The following WIPI2 variants were observed in gnomAD, a reference collection of about 807,000 sequenced individuals.
WIPI2 encodes WD repeat domain phosphoinositide-interacting protein 2.
Under a neutral mutation model 52.3 loss-of-function variants are expected in WIPI2, and 28 were observed. That is an observed-to-expected ratio of 0.54 (90% CI 0.40 to 0.73). WIPI2 has a LOEUF of 0.73. Among genes scored for constraint, WIPI2 ranks in the 30% least tolerant of loss-of-function variants. The pLI is 0.00. For synonymous variants in WIPI2, 268 were observed against 245.0 expected (o/e 1.09, Z -0.88); for missense variants, 506 against 602.9 (o/e 0.84, Z 1.68).
chr7:5,196,138 G>A (rs1189775138), intron 2 of WIPI2, among the ~76,000 whole-genome samples: 17 of 151,900 alleles, frequency 1.1e-4, no homozygotes, highest in East Asian at 3.9e-4. Context: ...TCAAGAGTTC[G>A]AGACCAGACT....
intron 3 of WIPI2, chr7:5,214,203 C>G (rs1468295813): frequency 1.7e-6 from 2 of 1,196,888 alleles, no homozygotes; most frequent in Non-Finnish European, 2.2e-6. Context: ...TTAAGGGAGC[C>G]CCTAGACCTT....
chr7:5,190,719 G>C (rs1781437657), intron 1 of WIPI2: 1 of 392,494 alleles, frequency 2.5e-6, no homozygotes, highest in South Asian at 8.4e-5. Context: ...CGGGAGAGGT[G>C]GTGGAGAGGG....
rs574479972 is a variant in WIPI2 at position 5,209,596 on chromosome 7, G to A, written c.212-4939G>A. Among the ~76,000 whole-genome samples the A allele has an allele frequency of 1.3e-3, 196 of 152,274 alleles. 1 individual carries two copies. Among genetic ancestry groups the A allele is most frequent in the African/African-American group, 4.3e-3 (179 of 41,562 alleles). ...GGAATTTATCACCACCTCTAATGGC[G>A]ACTTGCTCTTTGAGATGATCGTCTC... On this transcript the variant is annotated intron_variant, in intron 3 of 12. Transcript: ENST00000288828.
chr7:5,201,654 G>C (rs991264975), intron 3 of WIPI2, among the ~76,000 whole-genome samples: 1 of 152,190 alleles, frequency 6.6e-6, no homozygotes, highest in African/African-American at 2.4e-5. Context: ...GCTGAGGCAC[G>C]AGAATCACTT....
chr7:5,227,970 C>T lies in WIPI2; in HGVS notation c.1014-134C>T. ...CGTGTGAGCCGAGGTCAGTGGGGCG[C>T]CAGACACCTGCAGCTGCCCTTGTGC... is the stretch of plus-strand genomic sequence containing the variant. On this transcript the variant is annotated intron_variant, in intron 10 of 12. Transcript: ENST00000288828. This position sits in a 1 kb window ranked among gnomAD's most constrained non-coding sequence, Gnocchi z 8.1. 1.2e-6 allele frequency: 1 copy of T among 823,358 alleles called. No individual in the cohort carries two copies. The highest frequency in any genetic ancestry group is 2.0e-6 in the Non-Finnish European group (1 of 496,066). The allele number at this position is 823,358 out of a possible 1,614,324, so 51.0% of individuals were successfully genotyped here.
intron 6 of WIPI2, 187 bp from the exon 7 acceptor site, chr7:5,217,735 C>T (rs745651762): frequency 1.9e-5 from 12 of 645,228 alleles, no homozygotes; most frequent in Non-Finnish European, 3.1e-5. Context: ...AATTGCTTTG[C>T]TTTTTCTAAA....
intron 3 of WIPI2, chr7:5,214,326 C>G: frequency 6.4e-7 from 1 of 1,569,748 alleles, no homozygotes. Context: ...AGGGGCCATC[C>G]TTAGAGTGGA....
intron 7 of WIPI2, among the ~76,000 whole-genome samples, chr7:5,222,333 G>T (rs1783182823): frequency 6.6e-6 from 1 of 152,228 alleles, no homozygotes; most frequent in African/African-American, 2.4e-5. Flanking sequence ...GACTGTTAGT[G>T]TTGAGAGTAA....
Position 5,193,111 on chromosome 7 carries a change from T to C in WIPI2, c.75-7T>C, listed in dbSNP as rs1245096736. ...TGTTTTTTGTTTTGTTTTGTTTTTT[T>C]ACCTAGAGAAGTGAAAGGGGCATCA... On this transcript the variant is annotated splice_region_variant and splice_polypyrimidine_tract_variant and intron_variant, in intron 1 of 12. Transcript: ENST00000288828. 1.2e-6 allele frequency: 2 copies of C among 1,613,724 alleles called. No homozygotes were observed. The highest frequency in any genetic ancestry group is 3.3e-4 in the Middle Eastern group (2 of 6,062).
intron 7 of WIPI2, among the ~76,000 whole-genome samples, chr7:5,219,356 C>T (rs1001995081): frequency 6.6e-6 from 1 of 152,136 alleles, no homozygotes; most frequent in African/African-American, 2.4e-5. Flanking sequence ...AATTCTGTTA[C>T]CCTTTGACTA....
At position 5,227,218 on chromosome 7, in the gene WIPI2, G is replaced by A. The variant is rs990094294; in HGVS notation, c.887G>A (p.Gly296Glu). 2.5e-6 allele frequency: 4 copies of A among 1,613,892 alleles called. No homozygotes were observed. The highest frequency in any genetic ancestry group is 1.3e-5 in the African/African-American group (1 of 74,916). ...CCCACCACCTGGACCGGGTACTTCG[G>A]GAAAGTGCTCATGGCCTCCACCAGC... is the stretch of plus-strand genomic sequence containing the variant. ...EEPTTWTGYF[G>E]KVLMASTSYL... is the part of the protein sequence containing the mutation. Residue 296 changes from glycine to glutamate, a missense_variant, in exon 10 of 13, where the codon GGG (glycine) becomes GAG (glutamate). By Grantham distance (98) the Gly-to-Glu change is moderately conservative (BLOSUM62 -2). Transcript: ENST00000288828. The surrounding 1 kb of genome is among the most constrained non-coding windows in gnomAD (Gnocchi z 8.1).
chr7:5,191,120 A>G (rs1357332094), intron 1 of WIPI2, among the ~76,000 whole-genome samples: 1 of 151,928 alleles, frequency 6.6e-6, no homozygotes. Context: ...CCTGGGTTCA[A>G]GCGATTCTCC....
At position 5,232,795 on chromosome 7, in the gene WIPI2, A is replaced by G. The variant is rs1410638160; in HGVS notation, c.*1848A>G. The G allele has an allele frequency of 6.5e-6, 1 of 154,966 alleles. No individual in the cohort carries two copies. The highest frequency in any genetic ancestry group is 6.5e-5 in the Admixed American group (1 of 15,360). The allele number at this position is 154,966 out of a possible 1,614,324, so 9.6% of individuals were successfully genotyped here. On this transcript the variant is annotated 3_prime_UTR_variant, in exon 13 of 13. Coordinates refer to ENST00000288828, the MANE Select transcript of WIPI2 (RefSeq NM_015610.4). The stretch of plus-strand genomic sequence containing the variant: ...CCCTGAGCTAGGGTTTCCTGTCACC[A>G]AAGAGTGAGCTGCATTTCCAGTTCT...
At chr7:5,201,932 C>T (rs767109626) in intron 3 of WIPI2, among the ~76,000 whole-genome samples, 2 of 151,594 alleles carry the variant, frequency 1.3e-5, no homozygotes, top group African/African-American at 4.9e-5. Flanking sequence ...TATTATCTGC[C>T]TTTCCTCTTT....
intron 3 of WIPI2, among the ~76,000 whole-genome samples, chr7:5,210,027 C>T (rs970569020): frequency 1.3e-5 from 2 of 152,262 alleles, no homozygotes; most frequent in African/African-American, 4.8e-5. Flanking sequence ...CCTGCCTCAG[C>T]CTCCCAAGTA....
intron 9 of WIPI2, 163 bp downstream of exon 9, chr7:5,226,093 G>T: frequency 1.5e-6 from 1 of 660,042 alleles, no homozygotes; most frequent in Non-Finnish European, 2.7e-6. Context: ...TCCAGGCTCG[G>T]CAGTGAGGAG....
At chr7:5,217,859 T>C (rs7791896) in intron 6 of WIPI2, 63 bp from the exon 7 acceptor site, 1,465,856 of 1,555,664 alleles carry the variant, frequency 0.94, 690,844 homozygotes, top group African/African-American at 0.98. Context: ...GGACCAAGTG[T>C]CAGCCCTGGG....
Position 5,228,092 on chromosome 7 carries a change from T to C in WIPI2, c.1014-12T>C, listed in dbSNP as rs1239162785. On this transcript the variant is annotated splice_polypyrimidine_tract_variant and intron_variant, in intron 10 of 12. Coordinates refer to ENST00000288828, the MANE Select transcript of WIPI2 (RefSeq NM_015610.4). ...AGTTGTCTAGAATTTGGCTGCTCTT[T>C]ATTCTCCCTAGAATTCAGAAGATCC... 16 of 1,613,510 alleles carry C rather than the reference T, an allele frequency of 9.9e-6. No homozygotes were observed. In the East Asian group the frequency reaches 3.3e-4, roughly 34 times the overall value.
At chr7:5,221,205 A>G (rs6971240) in intron 7 of WIPI2, among the ~76,000 whole-genome samples, 138,160 of 151,928 alleles carry the variant, frequency 0.91, 62,975 homozygotes, top group East Asian at 0.99. Context: ...TCAGGTGACC[A>G]CTCACCTCGG....
Sources: gnomAD v4.1 joint callset for allele counts (sites outside exome capture counted in the v4.1 genomes callset) on GRCh38, gnomAD v4.1.1 for gene constraint, Gnocchi (gnomAD v3.1) non-coding constraint, MANE v1.5 for transcripts, NCBI Gene and HGNC (gene_info 2026-07-23, HGNC 2026-07-21) for gene names.